The following LRBA variants were observed in gnomAD, a reference collection of about 807,000 sequenced individuals.
LRBA encodes the protein LPS responsive beige-like anchor protein, also known as lipopolysaccharide-responsive and beige-like anchor protein.
LRBA carries 176 observed loss-of-function variants against 330.0 expected under a neutral mutation model. That is an observed-to-expected ratio of 0.53 (90% CI 0.47 to 0.60). The LOEUF is 0.60. Among genes scored for constraint, LRBA ranks in the 20% least tolerant of loss-of-function variants. The probability of loss-of-function intolerance (pLI) is 0.00; values close to 1 mark genes in which losing one functional copy is unlikely to be tolerated. For missense variants in LRBA, 3,259 were observed against 3,444.8 expected, an observed-to-expected ratio of 0.95 and a Z score of 1.35; for synonymous variants, 1,230 against 1,193.0, an observed-to-expected ratio of 1.03 and a Z score of -0.64.
chr4:150,437,507 C>CTCTA (rs1554026237), intron 44 of LRBA, among the ~76,000 whole-genome samples: 3,346 of 137,466 alleles, frequency 0.024, 109 homozygotes, highest in African/African-American at 0.073. Context: ...CTCTCTCTCT[C>CTCTA]TATATATATA....
intron 37 of LRBA, among the ~76,000 whole-genome samples, chr4:150,627,460 T>C (rs1028279837): frequency 2.0e-5 from 3 of 152,076 alleles, no homozygotes; most frequent in African/African-American, 7.2e-5. Context: ...AAATATTTTC[T>C]ATAGAACATC....
chr4:150,339,953 C>T (rs1325914958), intron 48 of LRBA, among the ~76,000 whole-genome samples: 4 of 151,542 alleles, frequency 2.6e-5, no homozygotes, highest in African/African-American at 4.9e-5. Flanking sequence ...AGGACCCCGT[C>T]GGAGGTAACT....
intron 2 of LRBA, among the ~76,000 whole-genome samples, chr4:151,012,585 C>T (rs1744974598): frequency 6.6e-6 from 1 of 152,196 alleles, no homozygotes; most frequent in South Asian, 2.1e-4. Context: ...CACATGCGCA[C>T]ACACAAGATC....
intron 36 of LRBA, among the ~76,000 whole-genome samples, chr4:150,684,206 T>C (rs1227265629): frequency 1.3e-5 from 2 of 152,224 alleles, no homozygotes; most frequent in Non-Finnish European, 2.9e-5. Context: ...AAAATGATCA[T>C]ATAGCTGCTA....
chr4:150,411,821 T>C (rs1159657830), intron 47 of LRBA, among the ~76,000 whole-genome samples: 2 of 152,128 alleles, frequency 1.3e-5, no homozygotes, highest in Non-Finnish European at 2.9e-5. Flanking sequence ...AGGTCACAGA[T>C]CAAAGTAGTA....
chr4:150,739,741 C>T (rs556671407), intron 35 of LRBA, among the ~76,000 whole-genome samples: 3 of 152,128 alleles, frequency 2.0e-5, no homozygotes, highest in Non-Finnish European at 4.4e-5. Context: ...GTGTAAAGGC[C>T]TCCATGGCAA....
At chr4:150,719,308 C>T (rs916298309) in intron 36 of LRBA, among the ~76,000 whole-genome samples, 2 of 151,902 alleles carry the variant, frequency 1.3e-5, no homozygotes, top group African/African-American at 2.4e-5. Context: ...CTACCCACCA[C>T]CACAATCACT....
At chr4:150,924,606 T>C (rs1049899099) in intron 4 of LRBA, among the ~76,000 whole-genome samples, 1 of 152,170 alleles carries the variant, frequency 6.6e-6, no homozygotes, top group African/African-American at 2.4e-5. Context: ...TATTTCCACA[T>C]GTAAAAATCT....
At chr4:150,495,411 T>C (rs1561260947) in intron 40 of LRBA, among the ~76,000 whole-genome samples, 1 of 152,132 alleles carries the variant, frequency 6.6e-6, no homozygotes. Flanking sequence ...GAAAATTATT[T>C]AAAATTGTCA....
intron 15 of LRBA, among the ~76,000 whole-genome samples, chr4:150,897,008 C>T (rs1472668231): frequency 1.4e-5 from 2 of 143,666 alleles, no homozygotes; most frequent in African/African-American, 2.5e-5. Flanking sequence ...AAAAAAAAAA[C>T]ACCACAAGAA....
chr4:150,743,506 G>T (rs1224971042), intron 35 of LRBA, among the ~76,000 whole-genome samples: 2 of 152,098 alleles, frequency 1.3e-5, no homozygotes, highest in Non-Finnish European at 2.9e-5. Context: ...ATGAGCTTGG[G>T]GAACATATAA....
At chr4:150,851,846 A>G in intron 23 of LRBA, 39 bp downstream of exon 23, 1 of 1,515,694 alleles carries the variant, frequency 6.6e-7, no homozygotes, top group Non-Finnish European at 8.8e-7. Flanking sequence ...TTTTTAACTC[A>G]GTGCAAAAGT....
At chr4:150,744,430 A>G (rs1702717451) in intron 35 of LRBA, among the ~76,000 whole-genome samples, 1 of 152,164 alleles carries the variant, frequency 6.6e-6, no homozygotes, top group African/African-American at 2.4e-5. Flanking sequence ...AGTCTTGTCA[A>G]TATTTCCTTT....
At chr4:150,372,597 A>T (rs921403185) in intron 47 of LRBA, among the ~76,000 whole-genome samples, 2 of 149,540 alleles carry the variant, frequency 1.3e-5, no homozygotes, top group African/African-American at 4.9e-5. Flanking sequence ...AAGAAAAAAA[A>T]TCCAAAAGAT....
chr4:151,000,471 G>A (rs1484922044), intron 2 of LRBA, among the ~76,000 whole-genome samples: 1 of 152,036 alleles, frequency 6.6e-6, no homozygotes, highest in Admixed American at 6.6e-5. Context: ...CACTACTCTT[G>A]TCCCGAACAT....
intron 37 of LRBA, among the ~76,000 whole-genome samples, chr4:150,616,048 C>T (rs1446460783): frequency 1.3e-5 from 2 of 152,134 alleles, no homozygotes; most frequent in Non-Finnish European, 2.9e-5. Context: ...CTATTATGAT[C>T]GGACACTGAC....
chr4:150,654,656 TA>T (rs1487235803), intron 37 of LRBA, among the ~76,000 whole-genome samples: 3 of 152,212 alleles, frequency 2.0e-5, no homozygotes, highest in Non-Finnish European at 2.9e-5. Context: ...ACTCGTCATT[TA>T]ACATTAGGTA....
chr4:150,513,851 A>G (rs939351179), intron 40 of LRBA, among the ~76,000 whole-genome samples: 18 of 152,080 alleles, frequency 1.2e-4, no homozygotes, highest in African/African-American at 4.1e-4. Context: ...CAACATATAA[A>G]TTTTGGGGAA....
At chr4:150,958,045 G>A (rs546069329) in intron 2 of LRBA, among the ~76,000 whole-genome samples, 1 of 149,174 alleles carries the variant, frequency 6.7e-6, no homozygotes, top group East Asian at 1.9e-4. Context: ...CCATTCTGGG[G>A]TCTGGAAGAT....
Sources: allele counts gnomAD v4.1 joint callset (sites outside exome capture counted in the v4.1 genomes callset), GRCh38; gene constraint gnomAD v4.1.1; transcripts MANE v1.5; gene names NCBI Gene and HGNC (gene_info 2026-07-23, HGNC 2026-07-21).